DIAPH2: variants seen among roughly 807,000 people sequenced by gnomAD.
The protein encoded by DIAPH2 is diaphanous related formin 2.
Under a neutral mutation model 92.7 loss-of-function variants are expected in DIAPH2, and 35 were observed. The observed-to-expected ratio is 0.38, with a 90% CI of 0.29 to 0.50. The LOEUF is 0.50. Among genes scored for constraint, DIAPH2 ranks in the 20% least tolerant of loss-of-function variants. The pLI, the probability that DIAPH2 is intolerant of heterozygous loss-of-function variation, is 0.94. For missense variants in DIAPH2, 701 were observed against 819.5 expected, an observed-to-expected ratio of 0.86 and a Z score of 1.77; for synonymous variants, 301 against 280.4, an observed-to-expected ratio of 1.07 and a Z score of -0.73.
intron 23 of DIAPH2, among the ~76,000 whole-genome samples, chrX:97,284,369 G>C (rs2068522445): frequency 9.0e-6 from 1 of 111,022 alleles, no homozygotes; most frequent in Non-Finnish European, 1.9e-5. Flanking sequence ...CCAGCACTTT[G>C]GGAGGCTGAG....
chrX:97,436,136 C>T (rs1489866651), intron 26 of DIAPH2, among the ~76,000 whole-genome samples: 1 of 111,872 alleles, frequency 8.9e-6, no homozygotes, highest in Non-Finnish European at 1.9e-5. Context: ...AAATACACAA[C>T]TCCACATCTG....
intron 4 of DIAPH2, among the ~76,000 whole-genome samples, chrX:96,774,319 T>C (rs1423444614): frequency 8.9e-6 from 1 of 111,848 alleles, no homozygotes; most frequent in East Asian, 2.8e-4. Context: ...TCATCCTCTC[T>C]AACACTGTTA....
intron 24 of DIAPH2, among the ~76,000 whole-genome samples, chrX:97,379,784 G>A (rs1008398083): frequency 3.6e-5 from 4 of 111,655 alleles, no homozygotes; most frequent in African/African-American, 1.3e-4. Context: ...CTGTAATGGT[G>A]GTGGTGGTGG....
chrX:97,037,635 A>G (rs909114090), intron 17 of DIAPH2, among the ~76,000 whole-genome samples: 3 of 111,690 alleles, frequency 2.7e-5, no homozygotes, highest in Admixed American at 1.9e-4. Context: ...TCATTTTGCT[A>G]TTCTTTCAGT....
Position 97,230,183 on chromosome X carries a change from T to A in DIAPH2, c.2720-17532T>A, listed in dbSNP as rs551738555. Among the ~76,000 whole-genome samples, 4 of 111,648 alleles carry A rather than the reference T, an allele frequency of 3.6e-5. No homozygotes were observed. The South Asian group carries it at 1.1e-3, about 31-fold the overall frequency. On this transcript the variant is annotated intron_variant, in intron 22 of 26. Transcript: ENST00000324765. ...AATTTTTCCATGTGTCAAGTAGTAA[T>A]TTCTTTTCAAATATTGATAAGAAAT...
chrX:97,160,360 A>G (rs2067359728), intron 22 of DIAPH2, among the ~76,000 whole-genome samples: 1 of 112,554 alleles, frequency 8.9e-6, no homozygotes, highest in Non-Finnish European at 1.9e-5. Context: ...AGGCTATGTT[A>G]TCCTGGGGTG....
intron 22 of DIAPH2, among the ~76,000 whole-genome samples, chrX:97,232,286 G>A (rs2068015243): frequency 8.9e-6 from 1 of 111,770 alleles, no homozygotes; most frequent in South Asian, 3.8e-4. Context: ...CCAGGCTGGA[G>A]TGTAGTGGCG....
At chrX:96,704,783 T>C (rs1159339999) in intron 1 of DIAPH2, among the ~76,000 whole-genome samples, 1 of 110,941 alleles carries the variant, frequency 9.0e-6, no homozygotes, top group Non-Finnish European at 1.9e-5. Context: ...ATTTACAATA[T>C]TATAAGGAAA....
At chrX:97,248,448 A>G (rs1215913255) in intron 23 of DIAPH2, among the ~76,000 whole-genome samples, 1 of 112,061 alleles carries the variant, frequency 8.9e-6, no homozygotes, top group Non-Finnish European at 1.9e-5. Flanking sequence ...GTATATTCAT[A>G]TAAATCATAA....
chrX:96,746,572 G>T (rs1345507653), intron 3 of DIAPH2, among the ~76,000 whole-genome samples: 1 of 108,709 alleles, frequency 9.2e-6, no homozygotes, highest in Admixed American at 9.9e-5. Context: ...TTGTTTTTTC[G>T]AGATGGAGTC....
chrX:97,454,415 G>A (rs1359185971), intron 26 of DIAPH2, among the ~76,000 whole-genome samples: 1 of 111,626 alleles, frequency 9.0e-6, no homozygotes, highest in Non-Finnish European at 1.9e-5. Context: ...TATATACGCA[G>A]CTGCTAATTA....
chrX:97,519,962 C>T (rs895782554), intron 26 of DIAPH2, among the ~76,000 whole-genome samples: 1 of 111,048 alleles, frequency 9.0e-6, no homozygotes, highest in Non-Finnish European at 1.9e-5. Context: ...CCACCCGCCT[C>T]GGCCTCCCAA....
At chrX:97,192,425 C>A (rs770020326) in intron 22 of DIAPH2, among the ~76,000 whole-genome samples, 11 of 110,951 alleles carry the variant, frequency 9.9e-5, no homozygotes, top group Non-Finnish European at 1.5e-4. Context: ...CGTGCATATA[C>A]CTATTTTGTA....
intron 17 of DIAPH2, among the ~76,000 whole-genome samples, chrX:97,034,586 C>T (rs2066397707): frequency 9.1e-6 from 1 of 110,273 alleles, no homozygotes; most frequent in Non-Finnish European, 1.9e-5. Context: ...AGAAATCAGA[C>T]TACCATCATG....
rs147488454 is a variant in DIAPH2, at chrX:97,270,359, C to T, written c.2844+22520C>T. The stretch of plus-strand genomic sequence containing the variant: ...GATTACAGGCGTGAGCCACCATGCT[C>T]GGCCTTGAAGGAGATACTATTAACC... On this transcript the variant is annotated intron_variant, in intron 23 of 26. Coordinates refer to ENST00000324765, the MANE Select transcript of DIAPH2 (RefSeq NM_006729.5). Among the ~76,000 whole-genome samples, 506 of 112,268 alleles carry T rather than the reference C, an allele frequency of 4.5e-3. 5 individuals carry two copies. In the East Asian group the frequency reaches 0.08, roughly 18 times the overall value.
At chrX:97,408,317 A>G (rs1416584734) in intron 25 of DIAPH2, among the ~76,000 whole-genome samples, 2 of 111,387 alleles carry the variant, frequency 1.8e-5, no homozygotes, top group East Asian at 5.6e-4. Context: ...TGTTTGAAAC[A>G]CCAAAAGGCA....
rs1357832019 is a variant in DIAPH2 at position 97,510,350 on chromosome X, G to A, written c.3241+80605G>A. On this transcript the variant is annotated intron_variant, in intron 26 of 26. Coordinates refer to ENST00000324765, the MANE Select transcript of DIAPH2 (RefSeq NM_006729.5). ...TCATATCCTTTGCCCACTTTTTGAT[G>A]GTGTTGTTTGTTTTTTTCTTGTAAA... Among the ~76,000 whole-genome samples, 18 of 111,328 alleles carry A rather than the reference G, an allele frequency of 1.6e-4. No homozygotes were observed. The South Asian group carries it at 6.7e-3, about 41-fold the overall frequency.
At chrX:97,219,554 G>A in intron 22 of DIAPH2, among the ~76,000 whole-genome samples, 1 of 111,789 alleles carries the variant, frequency 8.9e-6, no homozygotes, top group African/African-American at 3.2e-5. Flanking sequence ...GTGCTATAAT[G>A]TTGCCATTTT....
At chrX:96,967,810 A>AGGTT (rs1292676753) in intron 17 of DIAPH2, among the ~76,000 whole-genome samples, 3 of 111,421 alleles carry the variant, frequency 2.7e-5, no homozygotes, top group Admixed American at 9.5e-5. Flanking sequence ...ATGGGCACCT[A>AGGTT]GGTTGATTCC....
Sources: gnomAD v4.1 joint callset for allele counts (sites outside exome capture counted in the v4.1 genomes callset) on GRCh38, gnomAD v4.1.1 for gene constraint, MANE v1.5 for transcripts, NCBI Gene and HGNC (gene_info 2026-07-23, HGNC 2026-07-21) for gene names.